PIK3CB: variants seen among roughly 807,000 people sequenced by gnomAD.
PIK3CB encodes phosphatidylinositol 4,5-bisphosphate 3-kinase catalytic subunit beta isoform.
Under a neutral mutation model 136.8 loss-of-function variants are expected in PIK3CB, and 39 were observed. That is an observed-to-expected ratio of 0.29 (90% confidence interval 0.22 to 0.37). The LOEUF (loss-of-function observed/expected upper bound fraction) is 0.37, where lower values mean the gene tolerates loss of function less well. Among genes scored for constraint, PIK3CB ranks in the 10% least tolerant of loss-of-function variants. The pLI, the probability that PIK3CB is intolerant of heterozygous loss-of-function variation, is 1.00. For missense variants in PIK3CB, 868 were observed against 1,275.4 expected (o/e 0.68, Z 4.87); for synonymous variants, 428 against 436.6 (o/e 0.98, Z 0.25).
intron 5 of PIK3CB, among the ~76,000 whole-genome samples, chr3:138,741,105 A>G (rs1328160623): frequency 1.3e-5 from 2 of 152,252 alleles, no homozygotes; most frequent in Non-Finnish European, 2.9e-5. Flanking sequence ...ATCTCAGGAC[A>G]GAATGACAAA....
intron 8 of PIK3CB, among the ~76,000 whole-genome samples, chr3:138,731,506 G>A (rs1426536871): frequency 6.6e-6 from 1 of 151,518 alleles, no homozygotes; most frequent in East Asian, 2.0e-4. Context: ...GCCCGCCTTG[G>A]CCTCCCAAAG....
chr3:138,769,248 A>T (rs2045771435), intron 2 of PIK3CB, among the ~76,000 whole-genome samples: 1 of 152,210 alleles, frequency 6.6e-6, no homozygotes, highest in Non-Finnish European at 1.5e-5. Context: ...TTCTCAAAGT[A>T]GCAACAGAGT....
chr3:138,711,126 TG>T (rs2044488522), intron 10 of PIK3CB, among the ~76,000 whole-genome samples: 1 of 151,052 alleles, frequency 6.6e-6, no homozygotes, highest in South Asian at 2.1e-4. Flanking sequence ...TAATTAGAGA[TG>T]TTCCTTCTAC....
At position 138,656,281 on chromosome 3, in the gene PIK3CB, G is replaced by A. The variant is rs768470971; in HGVS notation, c.2943-7C>T. On this transcript the variant is annotated splice_region_variant and splice_polypyrimidine_tract_variant and intron_variant, in intron 22 of 23. Coordinates refer to ENST00000674063, the MANE Select transcript of PIK3CB (RefSeq NM_006219.3). ...CTCACAACACTGGCGGAACCTTTGG[G>A]TGATGCAGCAAACCACATGAGCACA... The A allele has an allele frequency of 4.2e-5, 67 of 1,613,960 alleles. No homozygotes were observed. The highest frequency in any genetic ancestry group is 3.0e-5 in the Non-Finnish European group (35 of 1,179,998).
chr3:138,665,316 C>T (rs2043385463), intron 19 of PIK3CB, 113 bp from the exon 20 acceptor site: 13 of 682,776 alleles, frequency 1.9e-5, no homozygotes, highest in Non-Finnish European at 3.0e-5. Context: ...GATATACTTG[C>T]CATTACTATA....
intron 20 of PIK3CB, among the ~76,000 whole-genome samples, chr3:138,664,263 G>A (rs144592605): frequency 5.1e-4 from 78 of 152,128 alleles, no homozygotes; most frequent in African/African-American, 1.8e-3. Flanking sequence ...ATATTCAAAC[G>A]TCCTGGGAGC....
intron 1 of PIK3CB, among the ~76,000 whole-genome samples, chr3:138,815,157 AAAAAAATAT>A (rs1933256226): frequency 8.5e-6 from 1 of 118,236 alleles, no homozygotes; most frequent in East Asian, 2.0e-4. Context: ...AAAAAAAAAA[AAAAAAATAT>A]ATATATATAT....
rs10633896 is a variant in PIK3CB, at chr3:138,755,990, A to AAAT, written c.172-14_172-12dup. ...TTGCTTCCATAACATCTATGAGAAA[A>AAAT]AATAAGACATTTTCTGGAATGGAAA... On this transcript the variant is annotated splice_polypyrimidine_tract_variant and intron_variant, in intron 3 of 23. Coordinates refer to ENST00000674063, the MANE Select transcript of PIK3CB (RefSeq NM_006219.3). 0.02 allele frequency: 29,043 copies of AAAT among 1,472,718 alleles called. 4,668 individuals are homozygous for AAAT. The African/African-American group carries it at 0.35, about 18-fold the overall frequency. The allele number at this position is 1,472,718 out of a possible 1,614,324, so 91.2% of individuals were successfully genotyped here.
chr3:138,689,934 A>T (rs1383823485), intron 15 of PIK3CB, among the ~76,000 whole-genome samples: 1 of 152,194 alleles, frequency 6.6e-6, no homozygotes, highest in Non-Finnish European at 1.5e-5. Context: ...GTATTAAACA[A>T]TTGACTAATG....
At chr3:138,793,993 G>C (rs1356381356) in intron 2 of PIK3CB, among the ~76,000 whole-genome samples, 1 of 152,026 alleles carries the variant, frequency 6.6e-6, no homozygotes, top group Non-Finnish European at 1.5e-5. Context: ...ATGGAGTTTC[G>C]CTCTTGTTGC....
chr3:138,769,721 G>C (rs1353564250), intron 2 of PIK3CB, among the ~76,000 whole-genome samples: 1 of 152,178 alleles, frequency 6.6e-6, no homozygotes, highest in Non-Finnish European at 1.5e-5. Context: ...GCTATATTTT[G>C]AAGGAAATTA....
In PIK3CB at chr3:138,663,888, T is replaced by A. The variant is rs375624065; in HGVS notation, c.2796+18A>T. ...TAGCATTACTAAGGCCCTTGGCAGATCCTGAGGAGCAGCTCACCTGGCCAG... is the reference window on the plus strand; with the variant it reads ...TAGCATTACTAAGGCCCTTGGCAGAACCTGAGGAGCAGCTCACCTGGCCAG... On this transcript the variant is annotated intron_variant, in intron 21 of 23. Coordinates refer to ENST00000674063, the MANE Select transcript of PIK3CB (RefSeq NM_006219.3). 165 of 1,611,292 alleles carry A rather than the reference T, an allele frequency of 1.0e-4. No individual in the cohort carries two copies. Among genetic ancestry groups the A allele is most frequent in the Admixed American group, 1.7e-4 (10 of 59,090 alleles).
intron 2 of PIK3CB, among the ~76,000 whole-genome samples, chr3:138,771,921 CAAAAAA>C (rs60381827): frequency 2.6e-5 from 3 of 114,580 alleles, no homozygotes; most frequent in African/African-American, 1.0e-4. Flanking sequence ...GACTCAGTCT[CAAAAAA>C]AAAAAAAAAA....
Position 138,663,912 on chromosome 3 carries a change from A to T in PIK3CB, c.2790T>A (p.Thr930=). 6.2e-7 allele frequency: 1 copy of T among 1,613,380 alleles called. No homozygotes were observed. Among genetic ancestry groups the T allele is most frequent in the Non-Finnish European group, 8.5e-7 (1 of 1,179,824 alleles). ...ATCCTGAGGAGCAGCTCACCTGGCC[A>T]GTTTTTTTGACCATGATGTTGTCAC... ...RHSDNIMVKK[T]GQLFHIDFGH... Residue 930 remains threonine, a synonymous_variant, in exon 21 of 24, where the codon ACT becomes ACA. Transcript: ENST00000674063.
intron 19 of PIK3CB, among the ~76,000 whole-genome samples, chr3:138,673,144 GATAGAAAAT>G (rs1389514714): frequency 6.6e-6 from 1 of 151,916 alleles, no homozygotes; most frequent in Non-Finnish European, 1.5e-5. Context: ...GATATGAAAA[GATAGAAAAT>G]ATGGAAGGTT....
chr3:138,702,460 C>A (rs1170745489), intron 12 of PIK3CB, among the ~76,000 whole-genome samples: 1 of 152,126 alleles, frequency 6.6e-6, no homozygotes, highest in African/African-American at 2.4e-5. Flanking sequence ...TTACTGCATG[C>A]TCAGTGTGTA....
intron 8 of PIK3CB, among the ~76,000 whole-genome samples, chr3:138,729,137 T>A (rs1350527773): frequency 1.3e-5 from 2 of 151,754 alleles, no homozygotes; most frequent in East Asian, 3.9e-4. Context: ...AAAAATTAGC[T>A]GGGTGTGGTG....
intron 5 of PIK3CB, among the ~76,000 whole-genome samples, 164 bp downstream of exon 5, chr3:138,742,394 A>G (rs2045263551): frequency 6.6e-6 from 1 of 152,222 alleles, no homozygotes. Context: ...ATATCACTTT[A>G]GACTATTATA....
intron 2 of PIK3CB, among the ~76,000 whole-genome samples, chr3:138,760,367 G>A (rs974660261): frequency 1.3e-5 from 2 of 152,082 alleles, no homozygotes; most frequent in Admixed American, 6.5e-5. Flanking sequence ...CCCGAGACTG[G>A]TATCACAGTG....
Sources: allele counts gnomAD v4.1 joint callset (sites outside exome capture counted in the v4.1 genomes callset), GRCh38; gene constraint gnomAD v4.1.1; transcripts MANE v1.5; gene names NCBI Gene and HGNC (gene_info 2026-07-23, HGNC 2026-07-21).